The following KAZN variants were observed in gnomAD, a reference collection of about 807,000 sequenced individuals.
The protein encoded by KAZN is kazrin, periplakin interacting protein.
Under a neutral mutation model 87.4 loss-of-function variants are expected in KAZN, and 40 were observed. The ratio of observed to expected loss-of-function variants is 0.46; its 90% confidence interval spans 0.36 to 0.60. KAZN has a LOEUF of 0.60. Among genes scored for constraint, KAZN ranks in the 20% least tolerant of loss-of-function variants. The pLI is 0.00. For missense variants in KAZN, 898 were observed against 1,073.9 expected (o/e 0.84, Z 2.29); for synonymous variants, 466 against 458.3 (o/e 1.02, Z -0.22).
At chr1:14,062,084 A>G (rs1240390148) in intron 1 of KAZN, among the ~76,000 whole-genome samples, 1 of 152,210 alleles carries the variant, frequency 6.6e-6, no homozygotes, top group Non-Finnish European at 1.5e-5. Flanking sequence ...GAGCTGTGCT[A>G]TAGAAAGAGG....
chr1:14,260,193 C>A (rs998263396), intron 2 of KAZN, among the ~76,000 whole-genome samples: 1 of 152,052 alleles, frequency 6.6e-6, no homozygotes, highest in African/African-American at 2.4e-5. Flanking sequence ...TTCTAGATAC[C>A]AAGGAGACAG....
At chr1:14,951,463 T>TTTTA in intron 1 of KAZN, among the ~76,000 whole-genome samples, 1 of 152,036 alleles carries the variant, frequency 6.6e-6, no homozygotes, top group East Asian at 1.9e-4. Context: ...TTAATTTTTA[T>TTTTA]TTTATTTATT....
intron 4 of KAZN, among the ~76,000 whole-genome samples, chr1:15,050,706 T>C (rs114468525): frequency 0.06 from 9,082 of 152,274 alleles, 301 homozygotes; most frequent in African/African-American, 0.089. Flanking sequence ...AGGCTGGGTC[T>C]GAACCCAGAG....
chr1:15,007,585 G>A (rs1356855948), intron 2 of KAZN, among the ~76,000 whole-genome samples: 1 of 152,252 alleles, frequency 6.6e-6, no homozygotes, highest in African/African-American at 2.4e-5. Flanking sequence ...GCTCTGGTGG[G>A]ACGCAAGGTG....
At chr1:15,078,313 G>C (rs1206780362) in intron 8 of KAZN, among the ~76,000 whole-genome samples, 2 of 152,088 alleles carry the variant, frequency 1.3e-5, no homozygotes, top group African/African-American at 4.8e-5. Context: ...GCTGAGGAAG[G>C]AGAATCGCTT....
At chr1:14,722,964 T>A (rs996271271) in intron 1 of KAZN, among the ~76,000 whole-genome samples, 3 of 152,004 alleles carry the variant, frequency 2.0e-5, no homozygotes, top group Non-Finnish European at 2.9e-5. Context: ...CTACAAAAAA[T>A]TTTTTTAAAA....
chr1:14,586,968 G>A (rs898655252), intron 2 of KAZN, among the ~76,000 whole-genome samples: 6 of 152,138 alleles, frequency 3.9e-5, no homozygotes, highest in South Asian at 4.1e-4. Flanking sequence ...AGAGGTGTGC[G>A]TAAAGGAAAT....
chr1:15,094,452 C>T lies in KAZN; in HGVS notation c.1428+67C>T. 7.0e-7 allele frequency: 1 copy of T among 1,430,814 alleles called. No individual in the cohort carries two copies. The highest frequency in any genetic ancestry group is 1.3e-5 in the South Asian group (1 of 78,104). The allele number at this position is 1,430,814 out of a possible 1,614,324, so 88.6% of individuals were successfully genotyped here. ...TCTGTGAGCTTTACGTACCCAGAAG[C>T]TGGCCTGCCCCCCACTCCTACCCTG... is the stretch of plus-strand genomic sequence containing the variant. On this transcript the variant is annotated intron_variant, in intron 9 of 14. Transcript: ENST00000376030. The surrounding 1 kb of genome is among the most constrained non-coding windows in gnomAD (Gnocchi z 4.5).
chr1:14,198,643 G>A (rs552930647), intron 2 of KAZN, among the ~76,000 whole-genome samples: 47 of 152,198 alleles, frequency 3.1e-4, no homozygotes, highest in Admixed American at 1.9e-3. Context: ...GGGCAATTGC[G>A]GAAGCAGGGA....
At chr1:13,932,121 G>C (rs964886926) in intron 1 of KAZN, among the ~76,000 whole-genome samples, 1 of 151,032 alleles carries the variant, frequency 6.6e-6, no homozygotes. Context: ...GTCTCCCAAA[G>C]TGCTAGTATT....
chr1:14,601,227 CT>C (rs1403340786), intron 1 of KAZN, among the ~76,000 whole-genome samples: 3 of 152,260 alleles, frequency 2.0e-5, no homozygotes, highest in African/African-American at 2.4e-5. Context: ...CCTAGGGGCA[CT>C]TTGTGATTTT....
intron 1 of KAZN, among the ~76,000 whole-genome samples, chr1:14,006,173 T>C (rs1053634726): frequency 6.6e-6 from 1 of 152,228 alleles, no homozygotes; most frequent in Non-Finnish European, 1.5e-5. Flanking sequence ...CCACTTCTTA[T>C]ATTTTTGCTT....
intron 2 of KAZN, among the ~76,000 whole-genome samples, chr1:14,573,346 G>A (rs1270666242): frequency 1.3e-5 from 2 of 152,102 alleles, no homozygotes; most frequent in African/African-American, 4.8e-5. Context: ...CTACAAAATG[G>A]AAGCATTAGA....
intron 1 of KAZN, among the ~76,000 whole-genome samples, chr1:14,749,762 G>A (rs973722357): frequency 6.6e-6 from 1 of 152,118 alleles, no homozygotes; most frequent in African/African-American, 2.4e-5. Flanking sequence ...TCCATTTCCT[G>A]CCTCTCCTGG....
chr1:14,817,663 C>G (rs1367626451), intron 1 of KAZN, among the ~76,000 whole-genome samples: 1 of 151,916 alleles, frequency 6.6e-6, no homozygotes, highest in Non-Finnish European at 1.5e-5. Flanking sequence ...GTTAATTGGT[C>G]AAGAGAAAAT....
intron 2 of KAZN, among the ~76,000 whole-genome samples, chr1:14,231,710 A>T (rs551563076): frequency 6.6e-6 from 1 of 152,330 alleles, no homozygotes; most frequent in African/African-American, 2.4e-5. Context: ...TCAGAAACTC[A>T]CTTTATCAGT....
At chr1:14,543,557 G>A (rs1672944883) in intron 2 of KAZN, among the ~76,000 whole-genome samples, 1 of 152,186 alleles carries the variant, frequency 6.6e-6, no homozygotes, top group African/African-American at 2.4e-5. Flanking sequence ...ATTAAAAGGT[G>A]ACCTTCTTCA....
chr1:14,825,043 C>T (rs1190462623), intron 1 of KAZN, among the ~76,000 whole-genome samples: 1 of 152,260 alleles, frequency 6.6e-6, no homozygotes, highest in East Asian at 1.9e-4. Context: ...AGCGCATCCC[C>T]CTTGCTGAAG....
At chr1:14,845,039 A>T (rs1648541554) in intron 1 of KAZN, among the ~76,000 whole-genome samples, 1 of 150,736 alleles carries the variant, frequency 6.6e-6, no homozygotes, top group African/African-American at 2.4e-5. Flanking sequence ...TAGTTGGATG[A>T]GTGGACAGAC....
Sources: gnomAD v4.1 joint callset for allele counts (sites outside exome capture counted in the v4.1 genomes callset) on GRCh38, gnomAD v4.1.1 for gene constraint, Gnocchi (gnomAD v3.1) non-coding constraint, MANE v1.5 for transcripts, NCBI Gene and HGNC (gene_info 2026-07-23, HGNC 2026-07-21) for gene names.